The following MTNR1A variants were observed in gnomAD, a reference collection of about 807,000 sequenced individuals.
MTNR1A encodes the protein melatonin receptor type 1A.
MTNR1A carries 7 observed loss-of-function variants against 5.5 expected under a neutral mutation model. The observed-to-expected ratio is 1.28, with a 90% CI of 0.73 to 2.40. MTNR1A has a LOEUF of 2.40. Ranked by LOEUF, MTNR1A falls within the 30% of genes most tolerant of loss-of-function variation. The probability of loss-of-function intolerance (pLI) is 0.00; values close to 1 mark genes in which losing one functional copy is unlikely to be tolerated. For synonymous variants in MTNR1A, 196 were observed against 202.7 expected, an observed-to-expected ratio of 0.97 and a Z score of 0.28; for missense variants, 441 against 464.4, an observed-to-expected ratio of 0.95 and a Z score of 0.46.
chr4:186,546,564 T>C (rs73024707), intron 1 of MTNR1A, among the ~76,000 whole-genome samples: 1,643 of 151,846 alleles, frequency 0.011, 29 homozygotes, highest in African/African-American at 0.037. Flanking sequence ...CGGGATATGC[T>C]GTCCACACCA....
In MTNR1A at chr4:186,534,529, C is replaced by A; in HGVS notation, c.213G>T (p.Val71=). ...GATAAATGGCCACCACCAGGTCTGC[C>A]ACCGCTAAGCTCACCACAAAGATGT... ...AGNIFVVSLA[V]ADLVVAIYPY... Residue 71 remains valine, a synonymous_variant, in exon 2 of 2, where the codon GTG becomes GTT. Coordinates refer to ENST00000307161, the MANE Select transcript of MTNR1A (RefSeq NM_005958.4). 6.2e-7 allele frequency: 1 copy of A among 1,613,258 alleles called. No homozygotes were observed. Among genetic ancestry groups the A allele is most frequent in the Non-Finnish European group, 8.5e-7 (1 of 1,180,020 alleles).
chr4:186,547,607 C>CCT (rs1025230861), intron 1 of MTNR1A, among the ~76,000 whole-genome samples: 1 of 152,006 alleles, frequency 6.6e-6, no homozygotes, highest in South Asian at 2.1e-4. Context: ...CTGGCTCATT[C>CCT]CTCTCTCTCT....
At chr4:186,540,352 A>G (rs911037078) in intron 1 of MTNR1A, among the ~76,000 whole-genome samples, 3 of 152,140 alleles carry the variant, frequency 2.0e-5, no homozygotes, top group African/African-American at 7.2e-5. Flanking sequence ...TCCCTCAAAT[A>G]TTGTATTTTC....
intron 1 of MTNR1A, among the ~76,000 whole-genome samples, chr4:186,536,652 T>G (rs1268946714): frequency 6.6e-6 from 1 of 152,120 alleles, no homozygotes; most frequent in African/African-American, 2.4e-5. Flanking sequence ...TTCCCAATAT[T>G]TGAAATGAGA....
intron 1 of MTNR1A, among the ~76,000 whole-genome samples, chr4:186,541,089 C>G (rs186687894): frequency 6.6e-6 from 1 of 152,282 alleles, no homozygotes; most frequent in Admixed American, 6.5e-5. Flanking sequence ...CCTCAGCATG[C>G]TCCTATGGCC....
chr4:186,539,478 A>G (rs1180233746), intron 1 of MTNR1A, among the ~76,000 whole-genome samples: 2 of 152,190 alleles, frequency 1.3e-5, no homozygotes, highest in Non-Finnish European at 2.9e-5. Flanking sequence ...CCCAAAATTT[A>G]TGTGTTGACA....
At chr4:186,548,361 A>T (rs924128782) in intron 1 of MTNR1A, among the ~76,000 whole-genome samples, 4 of 152,200 alleles carry the variant, frequency 2.6e-5, no homozygotes, top group African/African-American at 9.7e-5. Context: ...GTATAAAATA[A>T]TATTCTCATA....
At position 186,534,017 on chromosome 4, in the gene MTNR1A, A is replaced by G; in HGVS notation, c.725T>C (p.Val242Ala). Reference protein sequence around the residue: ...QDFRNFVTMFVVFVLFAICWA... With the variant: ...QDFRNFVTMFAVFVLFAICWA... ...GCAAATGGCAAAAAGGACAAAAACC[A>G]CAAACATGGTGACAAAATTCCTGAA... Residue 242 changes from valine to alanine, a missense_variant, in exon 2 of 2, where the codon GTG (valine) becomes GCG (alanine). Physicochemically the swap from Val to Ala is moderately conservative, Grantham distance 64. Coordinates refer to ENST00000307161, the MANE Select transcript of MTNR1A (RefSeq NM_005958.4). The G allele has an allele frequency of 6.2e-7, 1 of 1,614,120 alleles. No homozygotes were observed. Among genetic ancestry groups the G allele is most frequent in the Non-Finnish European group, 8.5e-7 (1 of 1,180,038 alleles).
chr4:186,549,980 T>C (rs545095182), intron 1 of MTNR1A, among the ~76,000 whole-genome samples: 1 of 152,346 alleles, frequency 6.6e-6, no homozygotes, highest in South Asian at 2.1e-4. Flanking sequence ...TTCAGCACCG[T>C]GCAAATGCAT....
At chr4:186,553,468 A>T (rs1407395048) in intron 1 of MTNR1A, among the ~76,000 whole-genome samples, 4 of 152,260 alleles carry the variant, frequency 2.6e-5, no homozygotes, top group African/African-American at 9.6e-5. Flanking sequence ...TTCAGAAAAC[A>T]CAAGAAGTAA....
chr4:186,535,188 C>T (rs980127466), intron 1 of MTNR1A, among the ~76,000 whole-genome samples: 2 of 152,072 alleles, frequency 1.3e-5, no homozygotes, highest in South Asian at 4.1e-4. Flanking sequence ...GTGGTGAGCA[C>T]GAGATGAGAC....
intron 1 of MTNR1A, among the ~76,000 whole-genome samples, chr4:186,534,902 A>G (rs1736811344): frequency 6.6e-6 from 1 of 152,196 alleles, no homozygotes; most frequent in African/African-American, 2.4e-5. Flanking sequence ...TCACCTGAGA[A>G]ATCTCATATG....
At position 186,534,397 on chromosome 4, in the gene MTNR1A, T is replaced by C; in HGVS notation, c.345A>G (p.Ile115Met). The C allele has an allele frequency of 6.2e-7, 1 of 1,614,084 alleles. No individual in the cohort carries two copies. Among genetic ancestry groups the C allele is most frequent in the Non-Finnish European group, 8.5e-7 (1 of 1,180,012 alleles). Residue 115 changes from isoleucine (I) to methionine (M), a missense_variant, in exon 2 of 2, where the codon ATA becomes ATG. Ile to Met is a conservative substitution (Grantham distance 10). Coordinates refer to ENST00000307161, the MANE Select transcript of MTNR1A (RefSeq NM_005958.4). ...TGATGGCGATGCCGGTGATGTTGAA[T>C]ATGGAGCCGATGACGCTCAGGCCCA... ...FLMGLSVIGS[I>M]FNITGIAINR...
rs1736773659 is a variant in MTNR1A, at chr4:186,533,999, G to T, written c.743C>A (p.Ala248Asp). 5 of 1,614,100 alleles carry T rather than the reference G, an allele frequency of 3.1e-6. No individual in the cohort carries two copies. Among genetic ancestry groups the T allele is most frequent in the Non-Finnish European group, 4.2e-6 (5 of 1,180,028 alleles). The change falls in exon 2 of 2, where the codon GCC becomes GAC. Residue 248 changes from alanine (A) to aspartate (D), a missense_variant. Coordinates refer to ENST00000307161, the MANE Select transcript of MTNR1A (RefSeq NM_005958.4). ...VTMFVVFVLF[A>D]ICWAPLNFIG... The stretch of plus-strand genomic sequence containing the variant: ...GAAGTTCAGAGGAGCCCAGCAAATG[G>T]CAAAAAGGACAAAAACCACAAACAT...
At chr4:186,539,125 G>A (rs567487714) in intron 1 of MTNR1A, among the ~76,000 whole-genome samples, 191 of 151,332 alleles carry the variant, frequency 1.3e-3, no homozygotes, top group Non-Finnish European at 2.1e-3. Flanking sequence ...GCTGAGGCAG[G>A]AGAATCGCTT....
intron 1 of MTNR1A, among the ~76,000 whole-genome samples, chr4:186,537,203 CG>C (rs1736876853): frequency 6.6e-6 from 1 of 152,126 alleles, no homozygotes; most frequent in African/African-American, 2.4e-5. Flanking sequence ...CCCACAGGTG[CG>C]GCTGTCAGGT....
intron 1 of MTNR1A, among the ~76,000 whole-genome samples, chr4:186,535,573 G>A (rs1037929668): frequency 4.6e-5 from 7 of 152,080 alleles, no homozygotes; most frequent in South Asian, 4.2e-4. Context: ...CACCACACCC[G>A]GCTCGTTTTT....
intron 1 of MTNR1A, among the ~76,000 whole-genome samples, chr4:186,553,791 C>T (rs550048720): frequency 8.5e-5 from 13 of 152,334 alleles, no homozygotes; most frequent in African/African-American, 3.1e-4. Context: ...GGATTACAGG[C>T]TTGAGCCATC....
At chr4:186,554,490 G>A (rs1334109565) in intron 1 of MTNR1A, among the ~76,000 whole-genome samples, 1 of 152,142 alleles carries the variant, frequency 6.6e-6, no homozygotes, top group Non-Finnish European at 1.5e-5. Context: ...GTTCCCACCA[G>A]AACAAACCAG....
Sources: allele counts gnomAD v4.1 joint callset (sites outside exome capture counted in the v4.1 genomes callset), GRCh38; gene constraint gnomAD v4.1.1; transcripts MANE v1.5; gene names NCBI Gene and HGNC (gene_info 2026-07-23, HGNC 2026-07-21).